Variants in MAGI2 observed in about 807,000 individuals in gnomAD.
The protein encoded by MAGI2 is membrane associated guanylate kinase, WW and PDZ domain containing 2, also known as membrane-associated guanylate kinase, WW and PDZ domain-containing protein 2.
A neutral mutation model predicts 133.3 loss-of-function variants in MAGI2; 35 were observed. The observed-to-expected ratio is 0.26, with a 90% CI of 0.20 to 0.35. The LOEUF (loss-of-function observed/expected upper bound fraction) is 0.35, where lower values mean the gene tolerates loss of function less well. MAGI2 is among the 10% of genes least tolerant of loss of function. MAGI2 has a pLI of 1.00. For missense variants in MAGI2, 1,636 were observed against 1,863.4 expected (o/e 0.88, Z 2.25); for synonymous variants, 729 against 710.6 (o/e 1.03, Z -0.41).
intron 10 of MAGI2, chr7:78,255,237 T>A (rs1017720298): frequency 2.6e-5 from 4 of 152,980 alleles, no homozygotes; most frequent in African/African-American, 9.7e-5. Flanking sequence ...TCAGAGCTTC[T>A]ACCACACTTG....
intron 3 of MAGI2, among the ~76,000 whole-genome samples, chr7:78,622,099 A>G (rs1181081539): frequency 1.3e-5 from 2 of 151,996 alleles, no homozygotes; most frequent in Non-Finnish European, 2.9e-5. Flanking sequence ...CTGACAATAA[A>G]TGCACCAATT....
At chr7:79,020,688 C>T (rs951831376) in intron 1 of MAGI2, among the ~76,000 whole-genome samples, 3 of 150,814 alleles carry the variant, frequency 2.0e-5, no homozygotes, top group Non-Finnish European at 4.4e-5. Context: ...ATGGCATGAA[C>T]CCAGGAGGTG....
intron 10 of MAGI2, among the ~76,000 whole-genome samples, chr7:78,209,998 T>C (rs1787612903): frequency 6.6e-6 from 1 of 152,250 alleles, no homozygotes; most frequent in Non-Finnish European, 1.5e-5. Context: ...TTAAGTATCA[T>C]TTTCTCAGAG....
intron 10 of MAGI2, among the ~76,000 whole-genome samples, chr7:78,214,559 C>A (rs1788082525): frequency 6.6e-6 from 1 of 152,156 alleles, no homozygotes; most frequent in Admixed American, 6.5e-5. Context: ...ATGTTAAGAG[C>A]AATTTATTTC....
intron 3 of MAGI2, among the ~76,000 whole-genome samples, chr7:78,576,689 T>C (rs1445236584): frequency 1.3e-5 from 2 of 152,220 alleles, no homozygotes; most frequent in Non-Finnish European, 2.9e-5. Flanking sequence ...TCATCCCCTT[T>C]TGTCCAGTCA....
chr7:79,025,369 G>T (rs915963100), intron 1 of MAGI2, among the ~76,000 whole-genome samples: 1 of 152,128 alleles, frequency 6.6e-6, no homozygotes, highest in Non-Finnish European at 1.5e-5. Context: ...GTTGGGAAAA[G>T]GATGAAGATC....
intron 9 of MAGI2, among the ~76,000 whole-genome samples, chr7:78,307,058 C>T (rs1798297160): frequency 6.6e-6 from 1 of 152,056 alleles, no homozygotes; most frequent in Non-Finnish European, 1.5e-5. Flanking sequence ...AATCATTAGT[C>T]AACGTAAGTT....
intron 1 of MAGI2, among the ~76,000 whole-genome samples, chr7:79,369,561 C>T (rs975272190): frequency 3.3e-5 from 5 of 152,154 alleles, no homozygotes; most frequent in Admixed American, 2.6e-4. Context: ...CAGTAGCAGG[C>T]ATTGAAACTT....
chr7:78,203,827 G>T (rs945860699), intron 10 of MAGI2, among the ~76,000 whole-genome samples: 8 of 152,180 alleles, frequency 5.3e-5, no homozygotes, highest in East Asian at 1.9e-4. Flanking sequence ...TACTCAATTT[G>T]GTCCTGATGA....
chr7:79,118,223 A>G (rs1468130710), intron 1 of MAGI2, among the ~76,000 whole-genome samples: 2 of 152,194 alleles, frequency 1.3e-5, no homozygotes, highest in Non-Finnish European at 2.9e-5. Context: ...GTCATTATTA[A>G]TAGAACTCCT....
chr7:78,867,233 A>T (rs1794636548), intron 2 of MAGI2, among the ~76,000 whole-genome samples: 1 of 151,460 alleles, frequency 6.6e-6, no homozygotes, highest in Non-Finnish European at 1.5e-5. Context: ...ATAAAGACAC[A>T]TGCACACGTA....
intron 2 of MAGI2, among the ~76,000 whole-genome samples, chr7:78,847,740 C>T (rs756545106): frequency 1.3e-5 from 2 of 151,910 alleles, no homozygotes; most frequent in Non-Finnish European, 2.9e-5. Context: ...TAAAATGGCA[C>T]CCTGTGTCAT....
At chr7:78,640,507 G>T (rs1810173329) in intron 2 of MAGI2, among the ~76,000 whole-genome samples, 1 of 152,082 alleles carries the variant, frequency 6.6e-6, no homozygotes, top group African/African-American at 2.4e-5. Context: ...AATAAATACT[G>T]GATTCTTCAG....
rs1042091732 is a variant in MAGI2 at position 78,869,331 on chromosome 7, A to G, written c.418+137759T>C. 3.3e-5 allele frequency among the ~76,000 whole-genome samples: 5 copies of G among 152,292 alleles called. No homozygotes were observed. The South Asian group carries it at 1.0e-3, about 32-fold the overall frequency. ...CATCTAGAAGAGTTTTATTAATGTTATCTTCTAGAATTTTTATGGGTTCAG... is the reference window on the plus strand; with the variant it reads ...CATCTAGAAGAGTTTTATTAATGTTGTCTTCTAGAATTTTTATGGGTTCAG... On this transcript the variant is annotated intron_variant, in intron 2 of 21. Transcript: ENST00000354212.
intron 6 of MAGI2, among the ~76,000 whole-genome samples, chr7:78,476,990 T>A (rs1013084670): frequency 6.6e-6 from 1 of 151,940 alleles, no homozygotes; most frequent in Non-Finnish European, 1.5e-5. Flanking sequence ...GAGAGGGAAA[T>A]CAGATCGTCT....
intron 2 of MAGI2, among the ~76,000 whole-genome samples, chr7:78,912,120 G>T (rs1798445325): frequency 6.6e-6 from 1 of 152,116 alleles, no homozygotes; most frequent in South Asian, 2.1e-4. Context: ...TAAACTGCAA[G>T]TTTAGCACTT....
chr7:79,299,448 C>T (rs1445483014), intron 1 of MAGI2, among the ~76,000 whole-genome samples: 9 of 143,900 alleles, frequency 6.3e-5, no homozygotes, highest in African/African-American at 1.5e-4. Flanking sequence ...AGATATCTTT[C>T]GGGAGGCTGA....
intron 2 of MAGI2, among the ~76,000 whole-genome samples, chr7:78,976,730 C>T (rs1351810345): frequency 6.7e-6 from 1 of 148,712 alleles, no homozygotes; most frequent in East Asian, 2.0e-4. Flanking sequence ...AAAACAAAAA[C>T]AAAATAAATA....
chr7:79,412,318 A>T (rs1227396517), intron 1 of MAGI2: 1 of 152,170 alleles, frequency 6.6e-6, no homozygotes, highest in Non-Finnish European at 1.5e-5. Flanking sequence ...GTAAATATAT[A>T]AGTATTTAAA....
Sources: allele counts gnomAD v4.1 joint callset (sites outside exome capture counted in the v4.1 genomes callset), GRCh38; gene constraint gnomAD v4.1.1; transcripts MANE v1.5; gene names NCBI Gene and HGNC (gene_info 2026-07-23, HGNC 2026-07-21).